HUNK: variants seen among roughly 807,000 people sequenced by gnomAD.
HUNK encodes hormonally up-regulated Neu-associated kinase.
Under a neutral mutation model 61.0 loss-of-function variants are expected in HUNK, and 21 were observed. That is an observed-to-expected ratio of 0.34 (90% confidence interval 0.24 to 0.50). The LOEUF (loss-of-function observed/expected upper bound fraction) is 0.50, where lower values mean the gene tolerates loss of function less well. Among genes scored for constraint, HUNK ranks in the 20% least tolerant of loss-of-function variants. HUNK has a pLI of 0.98. For synonymous variants in HUNK, 371 were observed against 386.1 expected, an observed-to-expected ratio of 0.96 and a Z score of 0.46; for missense variants, 772 against 945.7, an observed-to-expected ratio of 0.82 and a Z score of 2.41.
At chr21:31,874,248 G>T (rs2052241321) in intron 1 of HUNK, among the ~76,000 whole-genome samples, 1 of 150,854 alleles carries the variant, frequency 6.6e-6, no homozygotes, top group Non-Finnish European at 1.5e-5. Flanking sequence ...GCGGGATGGG[G>T]CCCCTCTGCC....
chr21:31,922,478 C>G (rs756963283), intron 1 of HUNK, among the ~76,000 whole-genome samples: 2 of 152,048 alleles, frequency 1.3e-5, no homozygotes, highest in Non-Finnish European at 2.9e-5. Context: ...AGGCATCCAC[C>G]ACCACGCCCA....
intron 7 of HUNK, among the ~76,000 whole-genome samples, chr21:31,982,085 G>A (rs9979909): frequency 0.016 from 2,384 of 152,164 alleles, 30 homozygotes; most frequent in African/African-American, 0.035. Context: ...TTGCCTAAGT[G>A]CTCTGGCTAG....
chr21:31,910,677 C>T (rs1413090513), intron 1 of HUNK, among the ~76,000 whole-genome samples: 5 of 152,046 alleles, frequency 3.3e-5, no homozygotes, highest in South Asian at 2.1e-4. Context: ...TTAATAGAAA[C>T]GGGGTTTTGC....
chr21:31,920,789 TC>T (rs2052617135), intron 1 of HUNK, among the ~76,000 whole-genome samples: 1 of 152,106 alleles, frequency 6.6e-6, no homozygotes, highest in Non-Finnish European at 1.5e-5. Context: ...GCCTGTCTGG[TC>T]CCCTTGGGGG....
intron 1 of HUNK, among the ~76,000 whole-genome samples, chr21:31,919,169 C>T (rs13048137): frequency 8.8e-4 from 68 of 77,412 alleles, no homozygotes; most frequent in African/African-American, 3.2e-3. Flanking sequence ...CTGGACTGAG[C>T]GGTATGAGGT....
intron 5 of HUNK, among the ~76,000 whole-genome samples, chr21:31,963,876 A>G (rs2833584): frequency 0.17 from 26,452 of 152,158 alleles, 2,963 homozygotes; most frequent in East Asian, 0.33. Context: ...TTTTTACCAA[A>G]CTTGAGTTGA....
chr21:31,905,658 G>A (rs1299998959), intron 1 of HUNK, among the ~76,000 whole-genome samples: 1 of 152,236 alleles, frequency 6.6e-6, no homozygotes, highest in Non-Finnish European at 1.5e-5. Flanking sequence ...CCAGTGCAGG[G>A]AGGCCAGGAG....
intron 1 of HUNK, among the ~76,000 whole-genome samples, chr21:31,899,421 C>T (rs1318032481): frequency 2.0e-5 from 3 of 152,114 alleles, no homozygotes; most frequent in Non-Finnish European, 4.4e-5. Context: ...TGCAAATTCG[C>T]GTGACCTTTG....
In HUNK at chr21:31,999,130, A is replaced by G. The variant is rs2053228563; in HGVS notation, c.2091A>G (p.Leu697=). Residue 697 remains leucine (L), a synonymous_variant, in exon 11 of 11, where the codon CTA becomes CTG. Coordinates refer to ENST00000270112, the MANE Select transcript of HUNK (RefSeq NM_014586.2). ...CCAGCCTGCCCCCACTGCAGCCCCT[A>G]GCCCCTGTGAACCTTGCCTTTGACA... ...LEASLPPLQP[L]APVNLAFDMA... 4 of 1,613,984 alleles carry G rather than the reference A, an allele frequency of 2.5e-6. No homozygotes were observed. Among genetic ancestry groups the G allele is most frequent in the Non-Finnish European group, 3.4e-6 (4 of 1,179,914 alleles).
intron 4 of HUNK, among the ~76,000 whole-genome samples, chr21:31,947,116 T>A (rs921371640): frequency 3.3e-4 from 40 of 122,570 alleles, no homozygotes; most frequent in African/African-American, 1.3e-3. Context: ...GTGGCGCCTA[T>A]GCATTCCCAC....
chr21:31,995,618 A>G, intron 9 of HUNK, 150 bp from the exon 10 acceptor site: 1 of 695,150 alleles, frequency 1.4e-6, no homozygotes, highest in South Asian at 2.0e-5. Context: ...TGGCTGGGCC[A>G]CAGCTCCTCC....
chr21:31,977,631 A>T (rs1362137612), intron 7 of HUNK, among the ~76,000 whole-genome samples: 2 of 152,236 alleles, frequency 1.3e-5, no homozygotes, highest in East Asian at 3.9e-4. Flanking sequence ...TTAAACAAAT[A>T]CATAGCTCAT....
At chr21:31,948,567 C>T (rs761546199) in intron 4 of HUNK, among the ~76,000 whole-genome samples, 1 of 152,046 alleles carries the variant, frequency 6.6e-6, no homozygotes, top group Non-Finnish European at 1.5e-5. Context: ...CCCAGGATTT[C>T]CTCAGCACCT....
At chr21:31,930,455 T>C in intron 2 of HUNK, among the ~76,000 whole-genome samples, 1 of 152,246 alleles carries the variant, frequency 6.6e-6, no homozygotes, top group Non-Finnish European at 1.5e-5. Context: ...ACTGCCCTTG[T>C]TGGCTTTGGC....
rs1469295107 is a variant in HUNK, at chr21:31,946,073, C to T, written c.648C>T (p.Tyr216=). 1.2e-6 allele frequency: 2 copies of T among 1,612,076 alleles called. No individual in the cohort carries two copies. Among genetic ancestry groups the T allele is most frequent in the Non-Finnish European group, 1.7e-6 (2 of 1,178,306 alleles). ...GLSNCAGILG[Y]SDPFSTQCGS... is the part of the protein sequence containing the mutation. Reference sequence around the variant, plus strand: ...GCAACTGCGCAGGGATCCTGGGTTACTCGGATCCGTTCAGCACACAGTGTG... The same window carrying T: ...GCAACTGCGCAGGGATCCTGGGTTATTCGGATCCGTTCAGCACACAGTGTG... Residue 216 remains tyrosine, a synonymous_variant, in exon 4 of 11, where the codon TAC becomes TAT. Transcript: ENST00000270112.
intron 9 of HUNK, among the ~76,000 whole-genome samples, chr21:31,995,248 G>C (rs191107891): frequency 5.3e-5 from 8 of 151,112 alleles, no homozygotes; most frequent in Non-Finnish European, 1.2e-4. Flanking sequence ...GATTAGGGTA[G>C]AAAGGGCTGG....
At chr21:31,892,937 C>A (rs896149064) in intron 1 of HUNK, among the ~76,000 whole-genome samples, 1 of 150,876 alleles carries the variant, frequency 6.6e-6, no homozygotes, top group African/African-American at 2.4e-5. Flanking sequence ...TCACCCTGCC[C>A]CCTGCCTCAA....
chr21:31,967,023 A>G (rs115042007), intron 5 of HUNK, among the ~76,000 whole-genome samples: 8 of 152,246 alleles, frequency 5.3e-5, no homozygotes, highest in African/African-American at 1.9e-4. Flanking sequence ...TATGCTGTAT[A>G]TTCTTCTGCT....
At chr21:31,958,283 A>G (rs2052903220) in intron 4 of HUNK, among the ~76,000 whole-genome samples, 1 of 143,138 alleles carries the variant, frequency 7.0e-6, no homozygotes, top group South Asian at 2.4e-4. Context: ...CTCTCACCCA[A>G]GACTTTCTTT....
Sources: gnomAD v4.1 joint callset for allele counts (sites outside exome capture counted in the v4.1 genomes callset) on GRCh38, gnomAD v4.1.1 for gene constraint, MANE v1.5 for transcripts, NCBI Gene and HGNC (gene_info 2026-07-23, HGNC 2026-07-21) for gene names.